The following PTCH1 variants were observed in gnomAD, a reference collection of about 807,000 sequenced individuals.
The protein encoded by PTCH1 is protein patched homolog 1.
PTCH1 carries 14 observed loss-of-function variants against 144.6 expected under a neutral mutation model. The ratio of observed to expected loss-of-function variants is 0.10; its 90% CI spans 0.06 to 0.15. PTCH1 has a LOEUF of 0.15. Ranked by LOEUF, PTCH1 falls within the 10% of genes least tolerant of loss-of-function variation. The pLI is 1.00. For missense variants in PTCH1, 1,623 were observed against 1,948.3 expected (o/e 0.83, Z 3.14); for synonymous variants, 833 against 793.6 (o/e 1.05, Z -0.83).
At chr9:95,512,718 G>C (rs899985170), upstream of PTCH1, among the ~76,000 whole-genome samples, 2 of 152,202 alleles carry the variant, frequency 1.3e-5, no homozygotes, top group Non-Finnish European at 2.9e-5. Flanking sequence ...GGATTCCACA[G>C]ATCTGAGATG....
chr9:95,506,870 G>A, intron 1 of PTCH1: 1 of 1,175,618 alleles, frequency 8.5e-7, no homozygotes, highest in Non-Finnish European at 1.0e-6. Flanking sequence ...GGGGCACTGG[G>A]GCTGCAATAC....
chr9:95,516,413 G>A, intron 1 of PTCH1: 1 of 1,314,170 alleles, frequency 7.6e-7, no homozygotes, highest in Non-Finnish European at 9.7e-7. Flanking sequence ...GCCGCCCGAG[G>A]AGCACGGCGC....
At chr9:95,452,358 A>ACACACACACACACACACAC (rs1239066232) in intron 20 of PTCH1, 2 of 94,030 alleles carry the variant, frequency 2.1e-5, no homozygotes, top group African/African-American at 9.2e-5. Context: ...CACACACACA[A>ACACACACACACACACACAC]CCTCTCAGTA....
At position 95,476,950 on chromosome 9, in the gene PTCH1, C is replaced by A. The variant is rs531841684; in HGVS notation, c.1504-93G>T. ...TTAGGACTCTGCCACCAGCACCTAA[C>A]AGCTCCTGAAGCAGGGCTTCCGTAA... On this transcript the variant is annotated intron_variant, in intron 10 of 23. Transcript: ENST00000331920. The surrounding 1 kb of genome is among the most constrained non-coding windows in gnomAD (Gnocchi z 4.6). 1.8e-4 allele frequency: 212 copies of A among 1,201,606 alleles called. No individual in the cohort carries two copies. The highest frequency in any genetic ancestry group is 1.3e-3 in the Admixed American group (68 of 51,624). 74.4% of individuals were successfully genotyped at this position (1,201,606 alleles called of 1,614,324 possible).
chr9:95,514,684 A>G (rs933457989), intron 1 of PTCH1, among the ~76,000 whole-genome samples: 12 of 149,436 alleles, frequency 8.0e-5, no homozygotes, highest in African/African-American at 3.1e-4. Context: ...AACGGGAGAC[A>G]TATTTTAATC....
intron 20 of PTCH1, chr9:95,451,838 A>G (rs1838483833): frequency 1.3e-5 from 2 of 152,386 alleles, no homozygotes; most frequent in Non-Finnish European, 2.9e-5. Flanking sequence ...AGGAAAAGCT[A>G]AAATCAAACT....
chr9:95,488,305 C>G (rs1842127238), intron 2 of PTCH1, among the ~76,000 whole-genome samples: 1 of 152,178 alleles, frequency 6.6e-6, no homozygotes, highest in Non-Finnish European at 1.5e-5. Context: ...TCTCTTTGCT[C>G]TAATGATGAA....
At chr9:95,462,955 A>G (rs1209603263) in intron 15 of PTCH1, among the ~76,000 whole-genome samples, 1 of 152,134 alleles carries the variant, frequency 6.6e-6, no homozygotes, top group African/African-American at 2.4e-5. Context: ...TTAGGGTCTG[A>G]GCGCTGGCTG....
intron 2 of PTCH1, among the ~76,000 whole-genome samples, chr9:95,503,551 G>T (rs188240430): frequency 1.0e-4 from 15 of 149,002 alleles, no homozygotes; most frequent in Admixed American, 9.2e-4. Flanking sequence ...ATCTAGCACA[G>T]AATGAATGAA....
intron 5 of PTCH1, among the ~76,000 whole-genome samples, chr9:95,481,628 C>A (rs1418581985): frequency 6.6e-6 from 1 of 152,146 alleles, no homozygotes; most frequent in Non-Finnish European, 1.5e-5. Context: ...TGTCTAAATG[C>A]CTCGTCTTCG....
chr9:95,496,864 T>C (rs1323034573), intron 2 of PTCH1, among the ~76,000 whole-genome samples: 6 of 152,112 alleles, frequency 3.9e-5, no homozygotes, highest in African/African-American at 9.7e-5. Flanking sequence ...GGCTGTGTGA[T>C]GTTTGAGTCT....
chr9:95,450,343 A>G (rs1838353632), intron 20 of PTCH1: 1 of 318,632 alleles, frequency 3.1e-6, no homozygotes, highest in Admixed American at 4.8e-5. Flanking sequence ...ACCCAGCAGA[A>G]GCAAACAAAT....
At position 95,458,064 on chromosome 9, in the gene PTCH1, T is replaced by C. The variant is rs775579178; in HGVS notation, c.3117A>G (p.Thr1039=). The change falls in exon 18 of 24, where the codon ACA becomes ACG. Residue 1039 remains threonine (T), a synonymous_variant. Transcript: ENST00000331920. The surrounding 1 kb of genome is among the most constrained non-coding windows in gnomAD (Gnocchi z 4.7). ...LLFISVVLAC[T]FLVCAVFLLN... is the part of the protein sequence containing the mutation. ...GAAGGAAGACAGCGCACACGAGGAA[T>C]GTGCAGGCCAACACCACGCTGATGA... 6.2e-6 allele frequency: 10 copies of C among 1,613,996 alleles called. No homozygotes were observed. Among genetic ancestry groups the C allele is most frequent in the Non-Finnish European group, 6.8e-6 (8 of 1,180,036 alleles).
chr9:95,447,313 G>A lies in PTCH1; in HGVS notation c.3943C>T (p.Pro1315Ser), dbSNP rs746022197. The A allele has an allele frequency of 2.5e-6, 4 of 1,613,050 alleles. No homozygotes were observed. The highest frequency in any genetic ancestry group is 1.3e-5 in the African/African-American group (1 of 74,934). Residue 1315 changes from proline to serine, a missense_variant, in exon 23 of 24, where the codon CCC (proline) becomes TCC (serine). Physicochemically the swap from Pro to Ser is moderately conservative, Grantham distance 74. Around this residue, in one of 7 missense-constraint regions of PTCH1, gnomAD observed 291 missense variants for 287.4 expected, o/e 1.01. Transcript: ENST00000331920. ...AAAGCGTCTCTGCGCGGTCTGTAGGGGGGTGGCCACAAGCCTTCTCTGGGG... is the reference window on the plus strand; with the variant it reads ...AAAGCGTCTCTGCGCGGTCTGTAGGAGGGTGGCCACAAGCCTTCTCTGGGG... ...DPPREGLWPP[P>S]YRPRRDAFEI...
intron 12 of PTCH1, among the ~76,000 whole-genome samples, chr9:95,470,161 C>T (rs950794343): frequency 1.6e-4 from 25 of 152,064 alleles, no homozygotes; most frequent in Admixed American, 1.6e-3. Context: ...TTCCATAAAC[C>T]GATAAGGCAC....
At chr9:95,493,180 T>C (rs1198413005) in intron 2 of PTCH1, among the ~76,000 whole-genome samples, 1 of 152,222 alleles carries the variant, frequency 6.6e-6, no homozygotes, top group African/African-American at 2.4e-5. Flanking sequence ...TCCAATCCAC[T>C]GTAGACAAGA....
At chr9:95,462,251 A>G (rs1266757256) in intron 15 of PTCH1, among the ~76,000 whole-genome samples, 1 of 152,202 alleles carries the variant, frequency 6.6e-6, no homozygotes, top group Non-Finnish European at 1.5e-5. Flanking sequence ...CTCATATTTT[A>G]TCTTAAGAAA....
At chr9:95,514,585 C>CAT (rs1363943516) in intron 1 of PTCH1, 1 of 151,644 alleles carries the variant, frequency 6.6e-6, no homozygotes, top group Non-Finnish European at 1.5e-5. Context: ...CTCAATAGGG[C>CAT]ATTATACACT....
chr9:95,461,391 A>G (rs1370824467), intron 16 of PTCH1, among the ~76,000 whole-genome samples: 2 of 152,004 alleles, frequency 1.3e-5, no homozygotes, highest in Non-Finnish European at 2.9e-5. Flanking sequence ...AAATCTTCCC[A>G]TCCTTCTGTC....
Sources: allele counts gnomAD v4.1 joint callset (sites outside exome capture counted in the v4.1 genomes callset), GRCh38; gene constraint gnomAD v4.1.1; regional missense constraint gnomAD v4.1.1; non-coding constraint Gnocchi (gnomAD v3.1); transcripts MANE v1.5; gene names NCBI Gene and HGNC (gene_info 2026-07-23, HGNC 2026-07-21).